Variants in ITPRIP observed in about 807,000 individuals in gnomAD.
ITPRIP encodes the protein inositol 1,4,5-trisphosphate receptor interacting protein.
ITPRIP carries 32 observed loss-of-function variants against 35.8 expected under a neutral mutation model. The observed-to-expected ratio is 0.89, with a 90% CI of 0.68 to 1.20. The LOEUF (loss-of-function observed/expected upper bound fraction) is 1.20. ITPRIP is among the 50% of genes most tolerant of loss of function. The pLI, the probability that ITPRIP is intolerant of heterozygous loss-of-function variation, is 0.00. For missense variants in ITPRIP, 653 were observed against 735.6 expected (o/e 0.89, Z 1.30); for synonymous variants, 358 against 324.0 (o/e 1.11, Z -1.13).
chr10:104,330,392 A>G (rs997669189), intron 1 of ITPRIP, among the ~76,000 whole-genome samples: 2 of 152,190 alleles, frequency 1.3e-5, no homozygotes, highest in African/African-American at 4.8e-5. Flanking sequence ...TCCCTTCCAG[A>G]CGTAGCCCTG....
rs144263802 is a variant in ITPRIP, at chr10:104,314,433, G to A, written c.1619C>T (p.Ser540Leu). ...LISEYSLHVP[S>L]DQPTPKS ...TCAGCTTTTTGGGGTAGGCTGGTCT[G>A]AGGGGACATGTAGGGAATACTCGCT... The change falls in exon 2 of 2, where the codon TCA (serine) becomes TTA (leucine). Residue 540 changes from serine to leucine, a missense_variant. Physicochemically the swap from Ser to Leu is moderately radical, Grantham distance 145. Coordinates refer to ENST00000337478, the MANE Select transcript of ITPRIP (RefSeq NM_001272013.2). 9 of 1,612,550 alleles carry A rather than the reference G, an allele frequency of 5.6e-6. No homozygotes were observed. The highest frequency in any genetic ancestry group is 7.6e-6 in the Non-Finnish European group (9 of 1,179,086).
At position 104,314,755 on chromosome 10, in the gene ITPRIP, G is replaced by C; in HGVS notation, c.1297C>G (p.Leu433Val). The C allele has an allele frequency of 6.2e-7, 1 of 1,613,952 alleles. No homozygotes were observed. The highest frequency in any genetic ancestry group is 8.5e-7 in the Non-Finnish European group (1 of 1,179,996). Residue 433 changes from leucine (L) to valine (V), a missense_variant, in exon 2 of 2, where the codon CTG (leucine) becomes GTG (valine). Transcript: ENST00000337478. ...TGPSGLSSYH[L>V]KTALLHLLLL... Reference sequence around the variant, plus strand: ...AGGAGGTGCAGTAGGGCCGTCTTCAGGTGGTAGCTGCTGAGCCCGCTGGGA... The same window carrying C: ...AGGAGGTGCAGTAGGGCCGTCTTCACGTGGTAGCTGCTGAGCCCGCTGGGA...
chr10:104,335,343 G>C (rs1163755163), intron 1 of ITPRIP, among the ~76,000 whole-genome samples: 1 of 152,178 alleles, frequency 6.6e-6, no homozygotes, highest in Admixed American at 6.5e-5. Context: ...CAACAAGGAA[G>C]CAAGAGACCA....
intron 1 of ITPRIP, among the ~76,000 whole-genome samples, chr10:104,320,807 C>T (rs2013828093): frequency 6.6e-6 from 1 of 152,116 alleles, no homozygotes; most frequent in Non-Finnish European, 1.5e-5. Flanking sequence ...GCTGGGATTA[C>T]AGGTGTGAGC....
At position 104,314,582 on chromosome 10, in the gene ITPRIP, G is replaced by C. The variant is rs141844873; in HGVS notation, c.1470C>G (p.Leu490=). The change falls in exon 2 of 2, where the codon CTC becomes CTG. Residue 490 remains leucine (L), a synonymous_variant. Transcript: ENST00000337478. The stretch of plus-strand genomic sequence containing the variant: ...GCTCGGCCCTGAGCACGGCCTCAGG[G>C]AGTCCCATGGCCTCAGGCACCTTGC... The part of the protein sequence containing the change: ...GNRKVPEAMG[L]PEAVLRAEPL... The C allele has an allele frequency of 8.0e-4, 1,285 of 1,614,068 alleles. 1 individual carries two copies. Among genetic ancestry groups the C allele is most frequent in the Admixed American group, 1.5e-3 (92 of 60,010 alleles).
In ITPRIP at chr10:104,315,539, C is replaced by G. The variant is rs771724664; in HGVS notation, c.513G>C (p.Leu171Phe). ...REFLEGFVDD[L>F]LEALRSLCNR... is the part of the protein sequence containing the mutation. Reference sequence around the variant, plus strand: ...TGCAGAGGCTCCTCAGGGCTTCCAGCAAGTCATCCACGAAGCCTTCCAGGA... The same window carrying G: ...TGCAGAGGCTCCTCAGGGCTTCCAGGAAGTCATCCACGAAGCCTTCCAGGA... The change falls in exon 2 of 2, where the codon TTG becomes TTC. Residue 171 changes from leucine (L) to phenylalanine (F), a missense_variant. Physicochemically the swap from Leu to Phe is conservative, Grantham distance 22 (BLOSUM62 0). Transcript: ENST00000337478. This position sits in a 1 kb window ranked among gnomAD's most constrained non-coding sequence, Gnocchi z 5.7. 3 of 1,614,100 alleles carry G rather than the reference C, an allele frequency of 1.9e-6. No individual in the cohort carries two copies. The highest frequency in any genetic ancestry group is 2.5e-6 in the Non-Finnish European group (3 of 1,180,040).
chr10:104,338,004 C>T (rs1298224924), intron 1 of ITPRIP, among the ~76,000 whole-genome samples: 1 of 152,118 alleles, frequency 6.6e-6, no homozygotes, highest in East Asian at 1.9e-4. Flanking sequence ...CGGGACGCAT[C>T]CCCCGACGCG....
chr10:104,337,285 G>A (rs1385967002), intron 1 of ITPRIP, among the ~76,000 whole-genome samples: 1 of 152,124 alleles, frequency 6.6e-6, no homozygotes, highest in East Asian at 1.9e-4. Flanking sequence ...CAAGAAAATA[G>A]ACCGCGACCC....
At chr10:104,335,098 G>T (rs1795339927) in intron 1 of ITPRIP, among the ~76,000 whole-genome samples, 1 of 152,180 alleles carries the variant, frequency 6.6e-6, no homozygotes, top group African/African-American at 2.4e-5. Flanking sequence ...TGAGCAATCT[G>T]CTGGGCACCA....
At chr10:104,317,342 A>G (rs72825857) in intron 1 of ITPRIP, among the ~76,000 whole-genome samples, 4,548 of 152,260 alleles carry the variant, frequency 0.03, 95 homozygotes, top group African/African-American at 0.066. Flanking sequence ...AATCTTTGCA[A>G]TTCGAAGTAT....
chr10:104,336,424 T>G (rs2014233944), intron 1 of ITPRIP, among the ~76,000 whole-genome samples: 1 of 141,618 alleles, frequency 7.1e-6, no homozygotes, highest in African/African-American at 2.6e-5. Flanking sequence ...TGGGGCAGAC[T>G]CTCAACTCGA....
At position 104,333,093 on chromosome 10, in the gene ITPRIP, C is replaced by T. The variant is rs1464539037; in HGVS notation, c.-14+5153G>A. ...TGGAAAGTCACTTTTCTGATGGCCC[C>T]ATCACTGCTCCAGCCTGCCCTTCCC... On this transcript the variant is annotated intron_variant, in intron 1 of 1. Transcript: ENST00000337478. This position sits in a 1 kb window ranked among gnomAD's most constrained non-coding sequence, Gnocchi z 4.1. Among the ~76,000 whole-genome samples, 1 of 152,232 alleles carries T rather than the reference C, an allele frequency of 6.6e-6. No individual in the cohort carries two copies. Among genetic ancestry groups the T allele is most frequent in the Non-Finnish European group, 1.5e-5 (1 of 68,034 alleles).
In ITPRIP at chr10:104,313,360, G is replaced by A. The variant is rs2013537595; in HGVS notation, c.*1048C>T. The A allele has an allele frequency of 8.1e-6, 8 of 986,334 alleles. No individual in the cohort carries two copies. Among genetic ancestry groups the A allele is most frequent in the African/African-American group, 1.7e-5 (1 of 57,374 alleles). The allele number at this position is 986,334 out of a possible 1,614,324, so 61.1% of individuals were successfully genotyped here. A position where few individuals can be genotyped will look rare whatever the true frequency, so the allele number is the denominator to read the frequency against. ...TCTACTGTCTTACAGCAGAGACTTC[G>A]CTGCAGGACGCAGGGCCAGAAGAGG... is the stretch of plus-strand genomic sequence containing the variant. On this transcript the variant is annotated 3_prime_UTR_variant, in exon 2 of 2. Coordinates refer to ENST00000337478, the MANE Select transcript of ITPRIP (RefSeq NM_001272013.2).
chr10:104,319,270 C>A (rs1268517962), intron 1 of ITPRIP, among the ~76,000 whole-genome samples: 1 of 152,214 alleles, frequency 6.6e-6, no homozygotes, highest in Non-Finnish European at 1.5e-5. Flanking sequence ...ACCTTGGGTG[C>A]TTAGCACCGT....
rs2014075116 is a variant in ITPRIP, at chr10:104,328,343, T to C, written c.-14+9903A>G. 5.2e-6 allele frequency: 5 copies of C among 956,566 alleles called. No homozygotes were observed. Among genetic ancestry groups the C allele is most frequent in the African/African-American group, 1.8e-5 (1 of 56,552 alleles). The allele number at this position is 956,566 out of a possible 1,614,324, so 59.3% of individuals were successfully genotyped here. ...CAAGGGTGCTGGTTTGGAGAGAGCATGAATACCCACCTTGGGGCAGGACAT... is the reference window on the plus strand; with the variant it reads ...CAAGGGTGCTGGTTTGGAGAGAGCACGAATACCCACCTTGGGGCAGGACAT... On this transcript the variant is annotated intron_variant, in intron 1 of 1. Transcript: ENST00000337478. This position sits in a 1 kb window ranked among gnomAD's most constrained non-coding sequence, Gnocchi z 4.1.
At position 104,309,779 on chromosome 10, in the gene ITPRIP, A is replaced by C. The variant is rs936948360; in HGVS notation, c.*4629T>G. ...ATACATGTGACACATACACAGAAAA[A>C]TTTTGGAAGGATACACCAAAAACTT... On this transcript the variant is annotated 3_prime_UTR_variant, in exon 2 of 2. Transcript: ENST00000337478. The C allele has an allele frequency of 1.6e-4, 24 of 152,210 alleles. No homozygotes were observed. Among genetic ancestry groups the C allele is most frequent in the African/African-American group, 5.8e-4 (24 of 41,460 alleles). 9.4% of individuals were successfully genotyped at this position (152,210 alleles called of 1,614,324 possible).
rs1391114229 is a variant in ITPRIP, at chr10:104,315,308, G to T, written c.744C>A (p.Ala248=). ...QGYGQIKVVR[A]DGDTLSCICG... is the part of the protein sequence containing the mutation. Reference sequence around the variant, plus strand: ...AGATGCAGCTCAATGTGTCCCCATCGGCGCGGACCACCTTGATCTGGCCGT... The same window carrying T: ...AGATGCAGCTCAATGTGTCCCCATCTGCGCGGACCACCTTGATCTGGCCGT... Residue 248 remains alanine, a synonymous_variant, in exon 2 of 2, where the codon GCC becomes GCA. Transcript: ENST00000337478. This position sits in a 1 kb window ranked among gnomAD's most constrained non-coding sequence, Gnocchi z 5.7. 27 of 1,580,098 alleles carry T rather than the reference G, an allele frequency of 1.7e-5. No homozygotes were observed. Among genetic ancestry groups the T allele is most frequent in the Non-Finnish European group, 2.2e-5 (26 of 1,160,434 alleles).
chr10:104,313,109 A>T lies in ITPRIP; in HGVS notation c.*1299T>A. On this transcript the variant is annotated 3_prime_UTR_variant, in exon 2 of 2. Coordinates refer to ENST00000337478, the MANE Select transcript of ITPRIP (RefSeq NM_001272013.2). ...AGGGGTGGGTTCTGTGCAGTGAGGG[A>T]GCCCCGCTGGAGTGAGGAACTAGGG... The T allele has an allele frequency of 1.0e-6, 1 of 985,296 alleles. No homozygotes were observed. Among genetic ancestry groups the T allele is most frequent in the Non-Finnish European group, 1.2e-6 (1 of 829,988 alleles). 61.0% of individuals were successfully genotyped at this position (985,296 alleles called of 1,614,324 possible).
intron 1 of ITPRIP, among the ~76,000 whole-genome samples, chr10:104,335,544 GAAAGT>G (rs1348405710): frequency 6.6e-6 from 1 of 152,132 alleles, no homozygotes; most frequent in East Asian, 1.9e-4. Context: ...AGAGATTAAG[GAAAGT>G]CACTTGATTC....
Sources: gnomAD v4.1 joint callset for allele counts (sites outside exome capture counted in the v4.1 genomes callset) on GRCh38, gnomAD v4.1.1 for gene constraint, Gnocchi (gnomAD v3.1) non-coding constraint, MANE v1.5 for transcripts, NCBI Gene and HGNC (gene_info 2026-07-23, HGNC 2026-07-21) for gene names.